Variants in GLDN observed in about 807,000 individuals in gnomAD.
GLDN encodes collomin.
In GLDN, 47 loss-of-function variants were observed where a neutral mutation model predicts 56.5. That is an observed-to-expected ratio of 0.83 (90% confidence interval 0.66 to 1.06). The LOEUF (loss-of-function observed/expected upper bound fraction) is 1.06. GLDN is among the 50% of genes least tolerant of loss of function. The pLI is 0.00. For synonymous variants in GLDN, 332 were observed against 278.8 expected (o/e 1.19, Z -1.90); for missense variants, 782 against 714.3 (o/e 1.09, Z -1.08).
At chr15:51,380,905 ACAC>A (rs1373610185) in intron 2 of GLDN, among the ~76,000 whole-genome samples, 1 of 152,200 alleles carries the variant, frequency 6.6e-6, no homozygotes, top group Non-Finnish European at 1.5e-5. Context: ...GAAAATTTTC[ACAC>A]CACATCAGAG....
intron 1 of GLDN, among the ~76,000 whole-genome samples, chr15:51,373,990 C>A (rs1026428984): frequency 2.6e-5 from 4 of 152,196 alleles, no homozygotes; most frequent in Non-Finnish European, 5.9e-5. Context: ...TATGGCCACA[C>A]CTTTTCATAT....
In GLDN at chr15:51,382,070, T is replaced by A. The variant is rs954626355; in HGVS notation, c.416-1366T>A. Among the ~76,000 whole-genome samples, 5 of 152,310 alleles carry A rather than the reference T, an allele frequency of 3.3e-5. No homozygotes were observed. The East Asian group carries it at 9.6e-4, about 29-fold the overall frequency. ...CCAGTCCTCTAACTTCCTCCCACCC[T>A]GAATCTTATAAGTCCCCACCTCTGT... On this transcript the variant is annotated intron_variant, in intron 2 of 9. Coordinates refer to ENST00000335449, the MANE Select transcript of GLDN (RefSeq NM_181789.4).
intron 1 of GLDN, among the ~76,000 whole-genome samples, chr15:51,368,048 A>G (rs1019973005): frequency 3.3e-5 from 5 of 152,218 alleles, no homozygotes; most frequent in South Asian, 2.1e-4. Context: ...AAAGAGAAGC[A>G]GGTATCCCCA....
intron 1 of GLDN, among the ~76,000 whole-genome samples, chr15:51,357,737 T>C (rs1333349214): frequency 6.6e-6 from 1 of 152,238 alleles, no homozygotes; most frequent in Non-Finnish European, 1.5e-5. Context: ...CAGCCGCCCA[T>C]GCATGCATTC....
chr15:51,363,484 A>G (rs938155164), intron 1 of GLDN, among the ~76,000 whole-genome samples: 1 of 152,232 alleles, frequency 6.6e-6, no homozygotes, highest in African/African-American at 2.4e-5. Flanking sequence ...CCTTTTCGCA[A>G]CCAAGTAAAA....
chr15:51,349,442 G>T (rs1200861137), intron 1 of GLDN, among the ~76,000 whole-genome samples: 2 of 152,214 alleles, frequency 1.3e-5, no homozygotes, highest in Non-Finnish European at 2.9e-5. Context: ...ATGAAGAATG[G>T]CTTTTACATT....
chr15:51,351,253 C>T, intron 1 of GLDN: 1 of 188,736 alleles, frequency 5.3e-6, no homozygotes, highest in Non-Finnish European at 1.1e-5. Flanking sequence ...TCAAGTGTTC[C>T]TCCTGCCTCA....
At chr15:51,371,721 C>T (rs1189977731) in intron 1 of GLDN, among the ~76,000 whole-genome samples, 2 of 152,092 alleles carry the variant, frequency 1.3e-5, no homozygotes, top group Non-Finnish European at 2.9e-5. Flanking sequence ...CTCACTCTGT[C>T]ACCCAGGCTG....
At chr15:51,379,301 A>G (rs1870048) in intron 2 of GLDN, among the ~76,000 whole-genome samples, 81,207 of 152,148 alleles carry the variant, frequency 0.53, 24,426 homozygotes, top group African/African-American at 0.82. Flanking sequence ...GAGAGCAGGC[A>G]TCTTGAAGAA....
chr15:51,353,728 A>C lies in GLDN; in HGVS notation c.363+11681A>C, dbSNP rs202117386. Among the ~76,000 whole-genome samples the C allele has an allele frequency of 3.8e-3, 549 of 146,234 alleles. 18 individuals are homozygous for C. The highest frequency in any genetic ancestry group is 0.028 in the Admixed American group (411 of 14,488). On this transcript the variant is annotated intron_variant, in intron 1 of 9. Transcript: ENST00000335449. ...TCGGATTTGATTAAAAAAAAAAAAA[A>C]AAAAAACCACAGTCAATTAAAAAAA...
At chr15:51,350,784 C>T (rs1027369056) in intron 1 of GLDN, among the ~76,000 whole-genome samples, 6 of 152,136 alleles carry the variant, frequency 3.9e-5, no homozygotes. Flanking sequence ...TCTCTAGGGA[C>T]ATATATAAGA....
chr15:51,344,765 A>G (rs946070834), intron 1 of GLDN, among the ~76,000 whole-genome samples: 4 of 152,346 alleles, frequency 2.6e-5, no homozygotes, highest in East Asian at 3.9e-4. Context: ...ATGAACCTCA[A>G]TTTAACTGAT....
intron 1 of GLDN, among the ~76,000 whole-genome samples, chr15:51,357,376 C>A (rs2037205556): frequency 6.6e-6 from 1 of 152,202 alleles, no homozygotes; most frequent in African/African-American, 2.4e-5. Context: ...TTTCTGGGGG[C>A]CTGTCTGGGA....
At chr15:51,367,087 ACCTGT>A (rs2037419693) in intron 1 of GLDN, among the ~76,000 whole-genome samples, 1 of 152,128 alleles carries the variant, frequency 6.6e-6, no homozygotes, top group South Asian at 2.1e-4. Flanking sequence ...GAGGCTGGGA[ACCTGT>A]CCAGGATCTT....
rs1171864241 is a variant in GLDN, at chr15:51,396,414, G to C, written c.689-1056G>C. On this transcript the variant is annotated intron_variant, in intron 5 of 9. Transcript: ENST00000335449. ...CAGCTCAGGGGAAAAGCAGACAGTTGGTATTTGTGGGAGAAGAGGGTAAGG... is the reference window on the plus strand; with the variant it reads ...CAGCTCAGGGGAAAAGCAGACAGTTCGTATTTGTGGGAGAAGAGGGTAAGG... Among the ~76,000 whole-genome samples, 9 of 152,280 alleles carry C rather than the reference G, an allele frequency of 5.9e-5. No individual in the cohort carries two copies. The South Asian group carries it at 1.2e-3, about 21-fold the overall frequency.
chr15:51,385,935 T>A (rs1466048123), intron 4 of GLDN, among the ~76,000 whole-genome samples: 3 of 152,164 alleles, frequency 2.0e-5, no homozygotes, highest in African/African-American at 7.2e-5. Context: ...ACGGGGAGGA[T>A]GTGAAGTGGA....
chr15:51,344,782 A>C (rs1294862749), intron 1 of GLDN, among the ~76,000 whole-genome samples: 2 of 152,228 alleles, frequency 1.3e-5, no homozygotes, highest in Admixed American at 1.3e-4. Context: ...TGATACTTTG[A>C]GTTTCTCTAC....
At chr15:51,411,908 T>C (rs902004205), downstream of GLDN, among the ~76,000 whole-genome samples, 2 of 152,260 alleles carry the variant, frequency 1.3e-5, no homozygotes, top group African/African-American at 2.4e-5. Context: ...AACATTGTTT[T>C]GGCCATTGCT....
At chr15:51,369,996 G>A (rs1387885026) in intron 1 of GLDN, among the ~76,000 whole-genome samples, 1 of 152,156 alleles carries the variant, frequency 6.6e-6, no homozygotes, top group African/African-American at 2.4e-5. Context: ...CATGTCTGTA[G>A]TCCCAGCTAC....
Sources: gnomAD v4.1 joint callset for allele counts (sites outside exome capture counted in the v4.1 genomes callset) on GRCh38, gnomAD v4.1.1 for gene constraint, MANE v1.5 for transcripts, NCBI Gene and HGNC (gene_info 2026-07-23, HGNC 2026-07-21) for gene names.